NEDD4L: variants seen among roughly 807,000 people sequenced by gnomAD.
The protein encoded by NEDD4L is NEDD4 like E3 ubiquitin protein ligase.
In NEDD4L, 54 loss-of-function variants were observed where a neutral mutation model predicts 148.9. The observed-to-expected ratio is 0.36, with a 90% CI of 0.29 to 0.45. NEDD4L has a LOEUF of 0.45. Among genes scored for constraint, NEDD4L ranks in the 20% least tolerant of loss-of-function variants. The pLI is 1.00. For synonymous variants in NEDD4L, 433 were observed against 440.7 expected (o/e 0.98, Z 0.22); for missense variants, 856 against 1,233.8 (o/e 0.69, Z 4.59).
Position 58,350,971 on chromosome 18 carries a change from C to G in NEDD4L, c.1654-20C>G. ...GCTAATGTTTATATTTTCTCTCTCC[C>G]TTCCTTCCCCGGATACTAGCCTGGC... On this transcript the variant is annotated intron_variant, in intron 17 of 30. Transcript: ENST00000400345. 1 of 1,571,574 alleles carries G rather than the reference C, an allele frequency of 6.4e-7. No homozygotes were observed.
At chr18:58,166,278 T>A (rs1012989449) in intron 2 of NEDD4L, among the ~76,000 whole-genome samples, 1 of 152,204 alleles carries the variant, frequency 6.6e-6, no homozygotes. Flanking sequence ...ATTAAGAGAT[T>A]TGGTGATTTG....
chr18:58,227,560 GCT>G, intron 2 of NEDD4L, among the ~76,000 whole-genome samples: 1 of 152,304 alleles, frequency 6.6e-6, no homozygotes, highest in African/African-American at 2.4e-5. Context: ...GTCCCTGCAT[GCT>G]CTGTCTAAGG....
intron 1 of NEDD4L, among the ~76,000 whole-genome samples, chr18:58,101,299 A>G (rs1016077927): frequency 6.6e-6 from 1 of 152,200 alleles, no homozygotes; most frequent in African/African-American, 2.4e-5. Context: ...TAAAAGGAGC[A>G]TCACTCCTGG....
chr18:58,257,294 C>T (rs2048721186), intron 5 of NEDD4L, among the ~76,000 whole-genome samples: 1 of 151,996 alleles, frequency 6.6e-6, no homozygotes, highest in South Asian at 2.1e-4. Context: ...TCTGTCATGG[C>T]CTGTTTGCTG....
chr18:58,332,255 C>T (rs2041086567), intron 11 of NEDD4L, among the ~76,000 whole-genome samples: 1 of 152,140 alleles, frequency 6.6e-6, no homozygotes, highest in African/African-American at 2.4e-5. Context: ...ATCATTAAGA[C>T]CCAAATACAA....
At chr18:58,203,734 A>C (rs1024604255) in intron 2 of NEDD4L, among the ~76,000 whole-genome samples, 3 of 151,562 alleles carry the variant, frequency 2.0e-5, no homozygotes, top group Non-Finnish European at 4.4e-5. Flanking sequence ...ATTAAATGAA[A>C]TTCTCCATTT....
At chr18:58,166,622 AAGGTTAAACTACCCGTGCAGG>A (rs1276795965) in intron 2 of NEDD4L, among the ~76,000 whole-genome samples, 1 of 152,218 alleles carries the variant, frequency 6.6e-6, no homozygotes, top group African/African-American at 2.4e-5. Flanking sequence ...TGAATCCAGA[AAGGTTAAACTACCCGTGCAGG>A]TCACGTGGGC....
At chr18:58,265,390 A>G (rs1184679211) in intron 5 of NEDD4L, among the ~76,000 whole-genome samples, 1 of 152,026 alleles carries the variant, frequency 6.6e-6, no homozygotes, top group African/African-American at 2.4e-5. Flanking sequence ...TGCCTTCCAC[A>G]AAGCTGCTCT....
chr18:58,212,651 T>G (rs1326504124), intron 2 of NEDD4L, among the ~76,000 whole-genome samples: 2 of 152,094 alleles, frequency 1.3e-5, no homozygotes, highest in Non-Finnish European at 2.9e-5. Context: ...GCCAATTTTT[T>G]GTGGAGACGA....
chr18:58,351,264 G>A, intron 18 of NEDD4L: 1 of 752,752 alleles, frequency 1.3e-6, no homozygotes, highest in Non-Finnish European at 1.6e-6. Context: ...ATCTGATCTT[G>A]TGACCTATTA....
At chr18:58,053,205 T>G (rs2081953984) in intron 1 of NEDD4L, among the ~76,000 whole-genome samples, 1 of 152,242 alleles carries the variant, frequency 6.6e-6, no homozygotes, top group South Asian at 2.1e-4. Context: ...TTCCATCTCC[T>G]GTCTACCAGG....
chr18:58,191,973 C>A (rs958907017), intron 2 of NEDD4L, among the ~76,000 whole-genome samples: 1 of 152,062 alleles, frequency 6.6e-6, no homozygotes, highest in African/African-American at 2.4e-5. Flanking sequence ...GAGTTTGAGA[C>A]CAGTCTGGGT....
At chr18:58,285,742 C>G (rs1480839844) in intron 5 of NEDD4L, among the ~76,000 whole-genome samples, 1 of 152,154 alleles carries the variant, frequency 6.6e-6, no homozygotes, top group Non-Finnish European at 1.5e-5. Context: ...AAAGCTGGCT[C>G]TTTCTAACAT....
At chr18:58,383,633 A>C (rs1205649511) in intron 25 of NEDD4L, among the ~76,000 whole-genome samples, 2 of 152,216 alleles carry the variant, frequency 1.3e-5, no homozygotes, top group African/African-American at 4.8e-5. Flanking sequence ...ATTGCAACGG[A>C]GAACCACGGT....
intron 2 of NEDD4L, among the ~76,000 whole-genome samples, chr18:58,201,812 C>G (rs1290205009): frequency 6.6e-6 from 1 of 152,090 alleles, no homozygotes; most frequent in African/African-American, 2.4e-5. Context: ...TGTTCTGAGC[C>G]CTGGTTTTCT....
At chr18:58,074,434 AT>A (rs544878321) in intron 1 of NEDD4L, among the ~76,000 whole-genome samples, 19,332 of 111,702 alleles carry the variant, frequency 0.17, 1,402 homozygotes, top group African/African-American at 0.18. Context: ...AATTTTTTGT[AT>A]TTTTTTTTTT....
chr18:58,369,893 C>T (rs1008049302), intron 22 of NEDD4L, among the ~76,000 whole-genome samples: 3 of 152,248 alleles, frequency 2.0e-5, no homozygotes, highest in African/African-American at 4.8e-5. Context: ...TTCTCCCCAT[C>T]GCTGCCCAAG....
chr18:58,297,965 C>G (rs557136978), intron 5 of NEDD4L, among the ~76,000 whole-genome samples: 3 of 152,266 alleles, frequency 2.0e-5, no homozygotes, highest in East Asian at 3.9e-4. Context: ...TCGATGATCC[C>G]TTTTTTCTAT....
intron 1 of NEDD4L, among the ~76,000 whole-genome samples, chr18:58,155,006 C>T (rs1214328321): frequency 6.6e-6 from 1 of 152,086 alleles, no homozygotes; most frequent in Admixed American, 6.5e-5. Context: ...AATCAAACTT[C>T]GTAAGATATT....
Sources: gnomAD v4.1 joint callset for allele counts (sites outside exome capture counted in the v4.1 genomes callset) on GRCh38, gnomAD v4.1.1 for gene constraint, MANE v1.5 for transcripts, NCBI Gene and HGNC (gene_info 2026-07-23, HGNC 2026-07-21) for gene names.